Variants in ADAMTSL1 observed in about 807,000 individuals in gnomAD.
ADAMTSL1 encodes the protein ADAMTS like 1.
Under a neutral mutation model 201.8 loss-of-function variants are expected in ADAMTSL1, and 126 were observed. That is an observed-to-expected ratio of 0.62 (90% CI 0.54 to 0.72). The LOEUF (loss-of-function observed/expected upper bound fraction) is 0.72, where lower values mean the gene tolerates loss of function less well. ADAMTSL1 is among the 30% of genes least tolerant of loss of function. The pLI is 0.00. For synonymous variants in ADAMTSL1, 1,121 were observed against 903.4 expected (o/e 1.24, Z -4.32); for missense variants, 2,679 against 2,277.8 (o/e 1.18, Z -3.59).
At chr9:18,269,510 T>C (rs1279645972) in intron 2 of ADAMTSL1, among the ~76,000 whole-genome samples, 1 of 152,106 alleles carries the variant, frequency 6.6e-6, no homozygotes, top group African/African-American at 2.4e-5. Context: ...GAGAAATATA[T>C]AATGGTTTTC....
chr9:18,155,616 A>T (rs1401951436), intron 1 of ADAMTSL1, among the ~76,000 whole-genome samples: 1 of 152,088 alleles, frequency 6.6e-6, no homozygotes, highest in African/African-American at 2.4e-5. Context: ...GTATGCCTCA[A>T]GACAATTCTT....
intron 23 of ADAMTSL1, among the ~76,000 whole-genome samples, chr9:18,857,205 T>A (rs7021809): frequency 1.3e-5 from 2 of 152,052 alleles, no homozygotes; most frequent in Non-Finnish European, 2.9e-5. Flanking sequence ...GAACTTTTTC[T>A]ACCTCATCCA....
chr9:18,152,848 C>G (rs1826978755), intron 1 of ADAMTSL1, among the ~76,000 whole-genome samples: 4 of 151,988 alleles, frequency 2.6e-5, no homozygotes, highest in Non-Finnish European at 4.4e-5. Context: ...TACTTGAAGA[C>G]AGCTCTCACA....
chr9:18,106,888 A>T (rs1455081826), intron 1 of ADAMTSL1, among the ~76,000 whole-genome samples: 1 of 152,198 alleles, frequency 6.6e-6, no homozygotes, highest in African/African-American at 2.4e-5. Flanking sequence ...AATCAAATAG[A>T]CTGCATATTG....
intron 1 of ADAMTSL1, among the ~76,000 whole-genome samples, chr9:17,938,623 T>C (rs1489673321): frequency 6.6e-6 from 1 of 152,152 alleles, no homozygotes; most frequent in Non-Finnish European, 1.5e-5. Context: ...TGCAGAAAGT[T>C]GTCAGCTGGA....
In ADAMTSL1 at chr9:18,160,493, T is replaced by C. The variant is rs774718004; in HGVS notation, c.88-3369T>C. Among the ~76,000 whole-genome samples the C allele has an allele frequency of 1.1e-4, 16 of 151,998 alleles. 1 individual carries two copies. The highest frequency in any genetic ancestry group is 2.0e-4 in the Admixed American group (3 of 15,242). ...TTTCTCTCTGCAAAACTAACACCAC[T>C]GAACCATAAGATGCAAAGGGATGCC... On this transcript the variant is annotated intron_variant, in intron 1 of 29. Coordinates refer to the ADAMTSL1 transcript ENST00000680146.
chr9:18,193,546 A>G (rs1563799331), intron 2 of ADAMTSL1, among the ~76,000 whole-genome samples: 1 of 152,056 alleles, frequency 6.6e-6, no homozygotes, highest in African/African-American at 2.4e-5. Flanking sequence ...TTATCTATTA[A>G]ATTTCAGAGA....
chr9:18,410,237 T>C (rs1484043927), intron 2 of ADAMTSL1, among the ~76,000 whole-genome samples: 2 of 152,030 alleles, frequency 1.3e-5, no homozygotes, highest in Non-Finnish European at 2.9e-5. Flanking sequence ...CAAGGGTACA[T>C]TTGCAGGATG....
chr9:18,645,788 G>A (rs1270156977), intron 7 of ADAMTSL1, among the ~76,000 whole-genome samples: 2 of 141,308 alleles, frequency 1.4e-5, no homozygotes, highest in Non-Finnish European at 1.5e-5. Context: ...TTTGGTTACT[G>A]TAGCCTTGTA....
In ADAMTSL1 at chr9:18,071,992, C is replaced by G. The variant is rs1822991446; in HGVS notation, c.88-91870C>G. 1.3e-5 allele frequency among the ~76,000 whole-genome samples: 2 copies of G among 152,150 alleles called. 1 individual carries two copies. The highest frequency in any genetic ancestry group is 4.1e-4 in the South Asian group (2 of 4,832). On this transcript the variant is annotated intron_variant, in intron 1 of 29. Transcript: ENST00000680146. ...AGAACAAGCTTAATGGTTCCAAGCT[C>G]TTGACAGTGCCAGAACCTTTCTAAG... is the stretch of plus-strand genomic sequence containing the variant.
At chr9:18,201,583 C>G (rs146806310) in intron 2 of ADAMTSL1, among the ~76,000 whole-genome samples, 1 of 152,020 alleles carries the variant, frequency 6.6e-6, no homozygotes, top group Non-Finnish European at 1.5e-5. Flanking sequence ...GGTTAAAAAA[C>G]TTTTCATCTT....
chr9:18,476,736 G>T (rs1221506168), intron 1 of ADAMTSL1, among the ~76,000 whole-genome samples: 1 of 151,722 alleles, frequency 6.6e-6, no homozygotes, highest in Admixed American at 6.6e-5. Context: ...ACTTATTTGG[G>T]GCAATTTCTA....
intron 1 of ADAMTSL1, among the ~76,000 whole-genome samples, chr9:18,010,821 T>C (rs1820020837): frequency 6.6e-6 from 1 of 152,068 alleles, no homozygotes; most frequent in Non-Finnish European, 1.5e-5. Context: ...TCTAATTTTA[T>C]ATATCAAAAA....
At chr9:18,685,262 G>A (rs1281233513) in intron 13 of ADAMTSL1, among the ~76,000 whole-genome samples, 3 of 152,160 alleles carry the variant, frequency 2.0e-5, no homozygotes, top group African/African-American at 7.2e-5. Context: ...CCTGGGATTG[G>A]TATCAGGGAT....
chr9:18,372,913 C>T (rs1408252940), intron 2 of ADAMTSL1, among the ~76,000 whole-genome samples: 2 of 152,192 alleles, frequency 1.3e-5, no homozygotes, highest in African/African-American at 4.8e-5. Context: ...CTCACTTCCT[C>T]ACTTATTCAC....
At chr9:18,835,400 T>G (rs1825251576) in intron 23 of ADAMTSL1, among the ~76,000 whole-genome samples, 1 of 152,190 alleles carries the variant, frequency 6.6e-6, no homozygotes, top group South Asian at 2.1e-4. Context: ...CCCAATACTT[T>G]GTCCCAGTCA....
chr9:18,290,263 G>A (rs562567123), intron 2 of ADAMTSL1, among the ~76,000 whole-genome samples: 22 of 149,934 alleles, frequency 1.5e-4, no homozygotes, highest in African/African-American at 4.1e-4. Context: ...CTTGAAAGCC[G>A]CTATGCCAGG....
chr9:18,302,896 G>C (rs538544947), intron 2 of ADAMTSL1, among the ~76,000 whole-genome samples: 2 of 152,160 alleles, frequency 1.3e-5, no homozygotes, highest in Non-Finnish European at 2.9e-5. Context: ...TGAGTGCATG[G>C]TGTATATGGG....
intron 1 of ADAMTSL1, among the ~76,000 whole-genome samples, chr9:18,001,045 T>C (rs1398362519): frequency 6.6e-6 from 1 of 151,746 alleles, no homozygotes; most frequent in Non-Finnish European, 1.5e-5. Context: ...AAAAGGAAAA[T>C]GAAAATGCTA....
Sources: gnomAD v4.1 joint callset for allele counts (sites outside exome capture counted in the v4.1 genomes callset) on GRCh38, gnomAD v4.1.1 for gene constraint, MANE v1.5 for transcripts, NCBI Gene and HGNC (gene_info 2026-07-23, HGNC 2026-07-21) for gene names.